KLHL5: variants seen among roughly 807,000 people sequenced by gnomAD.
KLHL5 encodes kelch-like protein 5.
In KLHL5, 48 loss-of-function variants were observed where a neutral mutation model predicts 77.7. The ratio of observed to expected loss-of-function variants is 0.62; its 90% CI spans 0.49 to 0.79. The LOEUF (loss-of-function observed/expected upper bound fraction) is 0.79. Among genes scored for constraint, KLHL5 ranks in the 30% least tolerant of loss-of-function variants. The probability of loss-of-function intolerance (pLI) is 0.00; values close to 1 mark genes in which losing one functional copy is unlikely to be tolerated. For missense variants in KLHL5, 723 were observed against 859.7 expected, an observed-to-expected ratio of 0.84 and a Z score of 1.99; for synonymous variants, 260 against 297.0, an observed-to-expected ratio of 0.88 and a Z score of 1.28.
chr4:39,122,851 A>G lies in KLHL5; in HGVS notation c.*1785A>G, dbSNP rs1002086513. The stretch of plus-strand genomic sequence containing the variant: ...AAAAAAAAATAAAAGATTTCATTTT[A>G]TGTGAGGAATTATTTTAATAAAAAA... On this transcript the variant is annotated 3_prime_UTR_variant, in exon 11 of 11. Transcript: ENST00000504108. Among the ~76,000 whole-genome samples, 13 of 151,932 alleles carry G rather than the reference A, an allele frequency of 8.6e-5. No homozygotes were observed.
intron 8 of KLHL5, among the ~76,000 whole-genome samples, chr4:39,111,596 A>T (rs1055630570): frequency 3.3e-5 from 5 of 152,220 alleles, no homozygotes; most frequent in African/African-American, 1.2e-4. Context: ...ATGTTCTGTG[A>T]TCCATACTTA....
At chr4:39,126,344 G>T (rs1560449524), downstream of KLHL5, among the ~76,000 whole-genome samples, 1 of 152,124 alleles carries the variant, frequency 6.6e-6, no homozygotes, top group Non-Finnish European at 1.5e-5. Context: ...GAGTCTTAAA[G>T]AACTTATATG....
At chr4:39,088,560 A>G (rs921194413) in intron 5 of KLHL5, among the ~76,000 whole-genome samples, 3 of 152,292 alleles carry the variant, frequency 2.0e-5, no homozygotes, top group Admixed American at 2.0e-4. Context: ...TACTGTGTGT[A>G]AAATTGCTGG....
intron 1 of KLHL5, among the ~76,000 whole-genome samples, chr4:39,053,305 G>C (rs1341308188): frequency 6.6e-6 from 1 of 152,122 alleles, no homozygotes; most frequent in Non-Finnish European, 1.5e-5. Context: ...TGTGATCAGA[G>C]AGCCCAGGCA....
the KLHL5 span, among the ~76,000 whole-genome samples, chr4:39,132,173 CA>C: frequency 1.3e-5 from 2 of 151,238 alleles, no homozygotes; most frequent in Non-Finnish European, 2.9e-5. Flanking sequence ...CAGGAGACTA[CA>C]AAAAAAGGAA....
intron 10 of KLHL5, among the ~76,000 whole-genome samples, chr4:39,119,755 C>G (rs1366051318): frequency 1.3e-5 from 2 of 152,212 alleles, no homozygotes; most frequent in Non-Finnish European, 2.9e-5. Flanking sequence ...AACAAATTCT[C>G]TAAGCTACAC....
At chr4:39,116,104 G>A (rs550199567) in intron 10 of KLHL5, 68 of 870,278 alleles carry the variant, frequency 7.8e-5, no homozygotes, top group South Asian at 2.1e-4. Flanking sequence ...AGGCTGAGGC[G>A]GGCAGATCAC....
At chr4:39,115,475 G>T (rs1278028771) in intron 10 of KLHL5, 145 bp downstream of exon 10, 8 of 1,514,306 alleles carry the variant, frequency 5.3e-6, no homozygotes, top group Non-Finnish European at 7.0e-6. Context: ...ATGAGAAAAA[G>T]AGGCAATGTT....
At position 39,121,363 on chromosome 4, in the gene KLHL5, G is replaced by T. The variant is rs1045538291; in HGVS notation, c.*297G>T. 14 of 342,558 alleles carry T rather than the reference G, an allele frequency of 4.1e-5. No individual in the cohort carries two copies. Among genetic ancestry groups the T allele is most frequent in the Admixed American group, 2.7e-4 (6 of 22,066 alleles). The allele number at this position is 342,558 out of a possible 1,614,324, so 21.2% of individuals were successfully genotyped here. On this transcript the variant is annotated 3_prime_UTR_variant, in exon 11 of 11. Transcript: ENST00000504108. ...GAACATAACCCAGTGCTAACTGGGG[G>T]TTTCATTTATTCAGTCAAGCACATC...
At chr4:39,085,506 G>A (rs1214733998) in intron 4 of KLHL5, among the ~76,000 whole-genome samples, 1 of 152,134 alleles carries the variant, frequency 6.6e-6, no homozygotes, top group Non-Finnish European at 1.5e-5. Flanking sequence ...GGAAATATGA[G>A]AAAAACATTA....
rs141265126 is a variant in KLHL5 at position 39,113,294 on chromosome 4, A to C, written c.1901+62A>C. On this transcript the variant is annotated intron_variant, in intron 9 of 10. Transcript: ENST00000504108. ...ATATATATAAGTCTCTGATACTTAC[A>C]TATATTTGGAGAACGTGTTGGAGAA... is the stretch of plus-strand genomic sequence containing the variant. 7 of 1,344,420 alleles carry C rather than the reference A, an allele frequency of 5.2e-6. No homozygotes were observed. The African/African-American group carries it at 8.8e-5, about 17-fold the overall frequency. The allele number at this position is 1,344,420 out of a possible 1,614,324, so 83.3% of individuals were successfully genotyped here.
chr4:39,063,916 A>G (rs1429358570), intron 1 of KLHL5: 1 of 152,444 alleles, frequency 6.6e-6, no homozygotes, highest in Non-Finnish European at 1.5e-5. Context: ...AGAGCATGAA[A>G]GTCATCTTTC....
chr4:39,127,701 G>A (rs1314720054), downstream of KLHL5, among the ~76,000 whole-genome samples: 1 of 152,064 alleles, frequency 6.6e-6, no homozygotes, highest in African/African-American at 2.4e-5. Context: ...CTGTGCTCAA[G>A]CGATCTTCCC....
At chr4:39,078,860 G>C (rs886647601) in intron 2 of KLHL5, among the ~76,000 whole-genome samples, 15 of 151,970 alleles carry the variant, frequency 9.9e-5, no homozygotes, top group African/African-American at 3.1e-4. Context: ...ACTTATTCAT[G>C]TAACAAAACA....
chr4:39,115,442 T>A (rs939101589), intron 10 of KLHL5, 112 bp downstream of exon 10: 12 of 1,547,034 alleles, frequency 7.8e-6, no homozygotes, highest in Non-Finnish European at 1.0e-5. Context: ...GGCATAAATA[T>A]GACAATCACG....
At chr4:39,119,843 A>C (rs1723092932) in intron 10 of KLHL5, among the ~76,000 whole-genome samples, 1 of 152,194 alleles carries the variant, frequency 6.6e-6, no homozygotes, top group Middle Eastern at 3.2e-3. Flanking sequence ...GAGAAGAGCT[A>C]CTAATTATAA....
At chr4:39,092,730 T>C (rs1340577758) in intron 5 of KLHL5, among the ~76,000 whole-genome samples, 1 of 152,196 alleles carries the variant, frequency 6.6e-6, no homozygotes, top group Admixed American at 6.5e-5. Context: ...GTGACTCTTT[T>C]TAGAGACTGT....
chr4:39,086,840 A>C, intron 5 of KLHL5, 113 bp downstream of exon 5: 1 of 719,956 alleles, frequency 1.4e-6, no homozygotes, highest in East Asian at 2.7e-5. Context: ...GAGCTAACAA[A>C]ATTCTGCTTA....
intron 7 of KLHL5, 132 bp from the exon 8 acceptor site, chr4:39,107,437 T>TG (rs1444664030): frequency 2.0e-5 from 4 of 200,252 alleles, no homozygotes; most frequent in African/African-American, 8.7e-5. Flanking sequence ...GGAGGACACT[T>TG]GTCTGCATCA....
Sources: gnomAD v4.1 joint callset for allele counts (sites outside exome capture counted in the v4.1 genomes callset) on GRCh38, gnomAD v4.1.1 for gene constraint, MANE v1.5 for transcripts, NCBI Gene and HGNC (gene_info 2026-07-23, HGNC 2026-07-21) for gene names.